The following SNX2 variants were observed in gnomAD, a reference collection of about 807,000 sequenced individuals.
SNX2 encodes the protein sorting nexin 2.
A neutral mutation model predicts 69.9 loss-of-function variants in SNX2; 25 were observed. That is an observed-to-expected ratio of 0.36 (90% confidence interval 0.26 to 0.50). The LOEUF (loss-of-function observed/expected upper bound fraction) is 0.50. SNX2 is among the 20% of genes least tolerant of loss of function. The pLI is 0.97. For missense variants in SNX2, 551 were observed against 613.3 expected (o/e 0.90, Z 1.07); for synonymous variants, 229 against 200.4 (o/e 1.14, Z -1.20).
rs986503871 is a variant in SNX2 at position 122,826,656 on chromosome 5, C to T, written c.1356+463C>T. The T allele has an allele frequency of 4.1e-6, 4 of 972,982 alleles. No homozygotes were observed. In the African/African-American group the frequency reaches 5.3e-5, roughly 13 times the overall value. The allele number at this position is 972,982 out of a possible 1,614,324, so 60.3% of individuals were successfully genotyped here. On this transcript the variant is annotated intron_variant, in intron 12 of 14. Coordinates refer to ENST00000379516, the MANE Select transcript of SNX2 (RefSeq NM_003100.4). ...CAATAAGGAAATTGAAGAGGTAGGA[C>T]AACCTTTATGTTACTAAAAATAAAT... is the stretch of plus-strand genomic sequence containing the variant.
intron 14 of SNX2, 23 bp from the exon 15 acceptor site, chr5:122,829,573 CTT>C: frequency 1.9e-6 from 3 of 1,587,114 alleles, no homozygotes; most frequent in South Asian, 2.2e-5. Flanking sequence ...ATGAGAATAA[CTT>C]ATATTTTAAT....
chr5:122,789,550 A>G (rs1753179140), intron 1 of SNX2, among the ~76,000 whole-genome samples: 1 of 151,174 alleles, frequency 6.6e-6, no homozygotes, highest in Non-Finnish European at 1.5e-5. Flanking sequence ...CGTTTTATCT[A>G]CCCGTGCTGT....
At chr5:122,809,317 T>C (rs1403163226) in intron 7 of SNX2, among the ~76,000 whole-genome samples, 1 of 152,164 alleles carries the variant, frequency 6.6e-6, no homozygotes, top group African/African-American at 2.4e-5. Context: ...CCCCCACTGG[T>C]ACTGAGGGAC....
At chr5:122,826,480 T>C (rs1754154784) in intron 12 of SNX2, among the ~76,000 whole-genome samples, 1 of 151,998 alleles carries the variant, frequency 6.6e-6, no homozygotes, top group Non-Finnish European at 1.5e-5. Context: ...TTTCAGATTA[T>C]TATTTTGTGT....
In SNX2 at chr5:122,831,353, G is replaced by C. The variant is rs1754285123; in HGVS notation, c.*1705G>C. 6.6e-6 allele frequency among the ~76,000 whole-genome samples: 1 copy of C among 152,050 alleles called. No individual in the cohort carries two copies. The highest frequency in any genetic ancestry group is 2.4e-5 in the African/African-American group (1 of 41,394). Reference sequence around the variant, plus strand: ...AGGCACAGTGACTCACATGCCTGTAGTCCCAGCTTCTTGGGAGGCTGAGGC... The same window carrying C: ...AGGCACAGTGACTCACATGCCTGTACTCCCAGCTTCTTGGGAGGCTGAGGC... On this transcript the variant is annotated 3_prime_UTR_variant, in exon 15 of 15. Transcript: ENST00000379516.
At position 122,832,836 on chromosome 5, in the gene SNX2, T is replaced by C. The variant is rs1754323351; in HGVS notation, c.*3188T>C. 6.6e-6 allele frequency: 1 copy of C among 152,208 alleles called. No individual in the cohort carries two copies. 9.4% of individuals were successfully genotyped at this position (152,208 alleles called of 1,614,324 possible). ...AGTTTTCTTGTCATGGCTCCCTGCA[T>C]GGGCAGTCATGTTAACAAGAGTCAG... On this transcript the variant is annotated 3_prime_UTR_variant, in exon 15 of 15. Coordinates refer to ENST00000379516, the MANE Select transcript of SNX2 (RefSeq NM_003100.4).
chr5:122,804,028 A>T (rs931537227), intron 6 of SNX2, among the ~76,000 whole-genome samples: 1 of 151,926 alleles, frequency 6.6e-6, no homozygotes, highest in East Asian at 1.9e-4. Context: ...AATTCCAGCT[A>T]CTCGGTGGGC....
chr5:122,803,561 A>T lies in SNX2; in HGVS notation c.591A>T (p.Lys197Asn). The T allele has an allele frequency of 6.2e-7, 1 of 1,612,300 alleles. No individual in the cohort carries two copies. The highest frequency in any genetic ancestry group is 8.5e-7 in the Non-Finnish European group (1 of 1,179,322). The change falls in exon 6 of 15, where the codon AAA (lysine) becomes AAT (asparagine). Residue 197 changes from lysine to asparagine, a missense_variant. Physicochemically the swap from Lys to Asn is moderately conservative, Grantham distance 94. This residue lies in a region of SNX2 where 360 missense variants were observed against 450.4 expected (regional missense o/e 0.80). Transcript: ENST00000379516. ...FLGLHSKLAS[K>N]YLHVGYIVPP... Reference sequence around the variant, plus strand: ...GTTTGCACAGCAAATTAGCAAGCAAATATTTACATGTTGGTTATATTGTGC... The same window carrying T: ...GTTTGCACAGCAAATTAGCAAGCAATTATTTACATGTTGGTTATATTGTGC...
rs758122825 is a variant in SNX2 at position 122,826,173 on chromosome 5, G to A, written c.1336G>A (p.Ala446Thr). ...TAACAAACCAGATAAAATACAGCAA[G>A]CTAAAAATGAAATAAGAGAGGTGAT... is the stretch of plus-strand genomic sequence containing the variant. ...VANKPDKIQQ[A>T]KNEIREWEAK... is the part of the protein sequence containing the mutation. The change falls in exon 12 of 15, where the codon GCT becomes ACT. Residue 446 changes from alanine to threonine, a missense_variant. By Grantham distance (58) the Ala-to-Thr change is moderately conservative. This residue lies in a region of SNX2 where 360 missense variants were observed against 450.4 expected (regional missense o/e 0.80). Coordinates refer to ENST00000379516, the MANE Select transcript of SNX2 (RefSeq NM_003100.4). 3.1e-6 allele frequency: 5 copies of A among 1,612,238 alleles called. No homozygotes were observed. The Admixed American group carries it at 5.0e-5, about 16-fold the overall frequency.
chr5:122,827,928 A>G, intron 14 of SNX2: 1 of 303,492 alleles, frequency 3.3e-6, no homozygotes. Context: ...CTGTCTTTCT[A>G]GTTTGTTTTC....
chr5:122,786,096 C>T (rs1283610172), intron 1 of SNX2, among the ~76,000 whole-genome samples: 1 of 152,032 alleles, frequency 6.6e-6, no homozygotes, highest in Non-Finnish European at 1.5e-5. Flanking sequence ...GGTAAATTGA[C>T]CCTTTTATCA....
chr5:122,802,038 T>C, intron 4 of SNX2, 43 bp from the exon 5 acceptor site: 4 of 1,579,274 alleles, frequency 2.5e-6, no homozygotes, highest in East Asian at 2.2e-5. Context: ...AGTTTTATTT[T>C]TATGCATGTG....
At chr5:122,825,806 TG>T (rs1754137305) in intron 11 of SNX2, among the ~76,000 whole-genome samples, 1 of 152,078 alleles carries the variant, frequency 6.6e-6, no homozygotes, top group Non-Finnish European at 1.5e-5. Flanking sequence ...AGTGATGAAA[TG>T]GGTTTTGAAT....
Position 122,803,561 on chromosome 5 carries a change from A to G in SNX2, c.591A>G (p.Lys197=). Residue 197 remains lysine (K), a synonymous_variant, in exon 6 of 15, where the codon AAA becomes AAG. Coordinates refer to ENST00000379516, the MANE Select transcript of SNX2 (RefSeq NM_003100.4). The part of the protein sequence containing the change: ...FLGLHSKLAS[K]YLHVGYIVPP... The stretch of plus-strand genomic sequence containing the variant: ...GTTTGCACAGCAAATTAGCAAGCAA[A>G]TATTTACATGTTGGTTATATTGTGC... 1 of 1,612,300 alleles carries G rather than the reference A, an allele frequency of 6.2e-7. No individual in the cohort carries two copies. The highest frequency in any genetic ancestry group is 1.7e-4 in the Middle Eastern group (1 of 5,886).
At position 122,775,128 on chromosome 5, in the gene SNX2, C is replaced by T. The variant is rs769904376; in HGVS notation, c.25C>T (p.Pro9Ser). The change falls in exon 1 of 15, where the codon CCG becomes TCG. Residue 9 changes from proline to serine, a missense_variant. Pro to Ser is a moderately conservative substitution (Grantham distance 74, BLOSUM62 -1). Coordinates refer to ENST00000379516, the MANE Select transcript of SNX2 (RefSeq NM_003100.4). MAAEREPP[P>S]LGDGKPTDFE... ...GATGGCGGCCGAGAGGGAACCTCCT[C>T]CGCTGGGGGACGGGAAGCCCACCGA... 7 of 1,593,706 alleles carry T rather than the reference C, an allele frequency of 4.4e-6. No homozygotes were observed. In the Middle Eastern group the frequency reaches 5.0e-4, roughly 113 times the overall value.
chr5:122,806,120 G>GTGTGTGTGTT (rs1753640282), intron 6 of SNX2, among the ~76,000 whole-genome samples: 1 of 83,504 alleles, frequency 1.2e-5, no homozygotes, highest in African/African-American at 4.1e-5. Context: ...GTGCGTGTGT[G>GTGTGTGTGTT]TATATATATA....
At chr5:122,778,161 T>G (rs1255751977) in intron 1 of SNX2, among the ~76,000 whole-genome samples, 1 of 152,232 alleles carries the variant, frequency 6.6e-6, no homozygotes, top group Non-Finnish European at 1.5e-5. Context: ...TTTCATTCCT[T>G]TTTATAGTTG....
At chr5:122,823,779 CGTGTGT>C (rs10559762) in intron 11 of SNX2, among the ~76,000 whole-genome samples, 54,558 of 145,798 alleles carry the variant, frequency 0.37, 10,123 homozygotes, top group Admixed American at 0.4. Context: ...AACATGTGGT[CGTGTGT>C]GTGTGTGTGT....
chr5:122,809,655 G>GA (rs1489080604), intron 7 of SNX2, among the ~76,000 whole-genome samples: 1 of 152,042 alleles, frequency 6.6e-6, no homozygotes, highest in African/African-American at 2.4e-5. Context: ...TGGTTAGGGT[G>GA]AATAGCACAG....
Sources: gnomAD v4.1 joint callset for allele counts (sites outside exome capture counted in the v4.1 genomes callset) on GRCh38, gnomAD v4.1.1 for gene constraint, gnomAD v4.1.1 regional missense constraint, MANE v1.5 for transcripts, NCBI Gene and HGNC (gene_info 2026-07-23, HGNC 2026-07-21) for gene names.